PRR3: variants seen among roughly 807,000 people sequenced by gnomAD.
The protein encoded by PRR3 is proline-rich protein 3.
Under a neutral mutation model 22.4 loss-of-function variants are expected in PRR3, and 16 were observed. That is an observed-to-expected ratio of 0.71 (90% CI 0.48 to 1.09). The LOEUF (loss-of-function observed/expected upper bound fraction) is 1.09, where lower values mean the gene tolerates loss of function less well. Among genes scored for constraint, PRR3 ranks in the 50% least tolerant of loss-of-function variants. The probability of loss-of-function intolerance (pLI) is 0.00; values close to 1 mark genes in which losing one functional copy is unlikely to be tolerated. For missense variants in PRR3, 224 were observed against 243.4 expected (o/e 0.92, Z 0.53); for synonymous variants, 87 against 88.6 (o/e 0.98, Z 0.10).
rs757974897 is a variant in PRR3, at chr6:30,558,179, A to C, written c.136A>C (p.Met46Leu). 12 of 1,612,910 alleles carry C rather than the reference A, an allele frequency of 7.4e-6. No individual in the cohort carries two copies. Among genetic ancestry groups the C allele is most frequent in the Non-Finnish European group, 1.0e-5 (12 of 1,179,934 alleles). The change falls in exon 2 of 4, where the codon ATG (methionine) becomes CTG (leucine). Residue 46 changes from methionine to leucine, a missense_variant. Coordinates refer to ENST00000376560, the MANE Select transcript of PRR3 (RefSeq NM_025263.4). Reference protein sequence around the residue: ...GPPSLLGPPPMANGKPGDPKS... With the variant: ...GPPSLLGPPPLANGKPGDPKS... ...ACCCAGCCTTCTGGGCCCTCCCCCC[A>C]TGGCCAATGGAAAACCTGGCGACCC...
rs1800648912 is a variant in PRR3, at chr6:30,561,804, T to A, written c.170-30T>A. 1 of 1,494,530 alleles carries A rather than the reference T, an allele frequency of 6.7e-7. No individual in the cohort carries two copies. The highest frequency in any genetic ancestry group is 1.4e-5 in the African/African-American group (1 of 70,762). 92.6% of individuals were successfully genotyped at this position (1,494,530 alleles called of 1,614,324 possible). ...GGATTCAGCTGCCCATTAGACACCT[T>A]TCTGTGTCTCTCTCTCTCTCTCTCT... is the stretch of plus-strand genomic sequence containing the variant. On this transcript the variant is annotated intron_variant, in intron 2 of 3. Transcript: ENST00000376560. This position sits in a 1 kb window ranked among gnomAD's most constrained non-coding sequence, Gnocchi z 4.0.
Position 30,562,141 on chromosome 6 carries a change from T to TA in PRR3, c.460+18dup. 1 of 1,549,932 alleles carries TA rather than the reference T, an allele frequency of 6.5e-7. No individual in the cohort carries two copies. The highest frequency in any genetic ancestry group is 1.3e-5 in the South Asian group (1 of 79,246). On this transcript the variant is annotated intron_variant, in intron 3 of 3. Coordinates refer to ENST00000376560, the MANE Select transcript of PRR3 (RefSeq NM_025263.4). ...TTATGGAAGGTGAGGTCCATTTTGT[T>TA]ATGCCCATTACTCCCAGAGTGACCT...
chr6:30,561,967 G>C lies in PRR3; in HGVS notation c.303G>C (p.Trp101Cys). ...GGTCTAGCCCATATGGTCGTGGTTG[G>C]TGGGGAGTCAATGCAGAACCTCCTT... ...GPRSSPYGRGWWGVNAEPPFP... is the reference protein window; with the variant it reads ...GPRSSPYGRGCWGVNAEPPFP... The change falls in exon 3 of 4, where the codon TGG becomes TGC. Residue 101 changes from tryptophan to cysteine, a missense_variant. By Grantham distance (215) the Trp-to-Cys change is radical. Transcript: ENST00000376560. This position sits in a 1 kb window ranked among gnomAD's most constrained non-coding sequence, Gnocchi z 4.0. 1 of 1,613,040 alleles carries C rather than the reference G, an allele frequency of 6.2e-7. No homozygotes were observed.
upstream of PRR3, chr6:30,556,864 T>G (rs984168753): frequency 1.7e-6 from 1 of 587,222 alleles, no homozygotes; most frequent in Non-Finnish European, 3.0e-6. This position sits in a 1 kb window ranked among gnomAD's most constrained non-coding sequence, Gnocchi z 5.7. Flanking sequence ...AGATCATAAG[T>G]GCAAAAGCGG....
chr6:30,558,292 T>G, intron 2 of PRR3, 80 bp downstream of exon 2: 2 of 1,172,148 alleles, frequency 1.7e-6, no homozygotes, highest in Non-Finnish European at 2.5e-6. Context: ...AGGAAGGACT[T>G]AAAAATAAAA....
chr6:30,561,052 C>CAAAAA lies in PRR3; in HGVS notation c.170-779_170-778insAAAAA. On this transcript the variant is annotated intron_variant, in intron 2 of 3. Transcript: ENST00000376560. This position sits in a 1 kb window ranked among gnomAD's most constrained non-coding sequence, Gnocchi z 4.0. ...CTCTCATTAAATAAATAATAATAACCAAACAAAAAAATAACCACCACTTTT... is the reference window on the plus strand; with the variant it reads ...CTCTCATTAAATAAATAATAATAACCAAAAAAAACAAAAAAATAACCACCACTTTT... 1 of 230,902 alleles carries CAAAAA rather than the reference C, an allele frequency of 4.3e-6. No individual in the cohort carries two copies. The highest frequency in any genetic ancestry group is 1.5e-4 in the East Asian group (1 of 6,498). 14.3% of individuals were successfully genotyped at this position (230,902 alleles called of 1,614,324 possible).
In PRR3 at chr6:30,561,724, GTCTT is replaced by G. The variant is rs1366238000; in HGVS notation, c.170-108_170-105del. Reference sequence around the variant, plus strand: ...TGGGTTGTGCACTTAAAACTGGTGTGTCTTTATGTATGCTGTTCTTCAATAAAAA... The same window carrying G: ...TGGGTTGTGCACTTAAAACTGGTGTGTATGTATGCTGTTCTTCAATAAAAA... On this transcript the variant is annotated intron_variant, in intron 2 of 3. Transcript: ENST00000376560. This position sits in a 1 kb window ranked among gnomAD's most constrained non-coding sequence, Gnocchi z 4.0. 4 of 966,214 alleles carry G rather than the reference GTCTT, an allele frequency of 4.1e-6. No homozygotes were observed. Among genetic ancestry groups the G allele is most frequent in the Non-Finnish European group, 6.0e-6 (4 of 670,124 alleles). The allele number at this position is 966,214 out of a possible 1,614,324, so 59.9% of individuals were successfully genotyped here.
In PRR3 at chr6:30,562,440, G is replaced by A. The variant is rs953136511; in HGVS notation, c.512G>A (p.Arg171Gln). ...CRHFAKKGHC[R>Q]YEDLCAFYHP... is the part of the protein sequence containing the mutation. ...CATTTTGCCAAAAAGGGCCACTGTC[G>A]ATATGAGGACCTCTGTGCCTTCTAC... The change falls in exon 4 of 4, where the codon CGA becomes CAA. Residue 171 changes from arginine (R) to glutamine (Q), a missense_variant. Physicochemically the swap from Arg to Gln is conservative, Grantham distance 43. Coordinates refer to ENST00000376560, the MANE Select transcript of PRR3 (RefSeq NM_025263.4). 3 of 1,614,156 alleles carry A rather than the reference G, an allele frequency of 1.9e-6. No homozygotes were observed. The highest frequency in any genetic ancestry group is 1.1e-5 in the South Asian group (1 of 91,090).
At chr6:30,557,597 T>C (rs753997454) in intron 1 of PRR3, 147 bp downstream of exon 1, 1 of 624,914 alleles carries the variant, frequency 1.6e-6, no homozygotes, top group African/African-American at 1.8e-5. Context: ...CTCTCCCAAA[T>C]GGAGCCTTGA....
intron 1 of PRR3, 95 bp downstream of exon 1, chr6:30,557,545 AAGG>A (rs1405476180): frequency 1.2e-6 from 1 of 838,482 alleles, no homozygotes; most frequent in African/African-American, 1.7e-5. Flanking sequence ...GCTGTAACGG[AAGG>A]AGGAAGGGCG....
intron 2 of PRR3, chr6:30,560,938 GT>G (rs200076468): frequency 0.013 from 2,093 of 165,886 alleles, 26 homozygotes; most frequent in Admixed American, 0.023. Context: ...ATTCATGCCT[GT>G]AATCCCAGCA....
intron 2 of PRR3, chr6:30,558,544 G>T: frequency 3.1e-6 from 1 of 327,070 alleles, no homozygotes; most frequent in Non-Finnish European, 5.8e-6. Flanking sequence ...AGATTTGTAA[G>T]CTGGGCATGG....
rs574714943 is a variant in PRR3, at chr6:30,561,320, C to T, written c.170-514C>T. ...TAAAAATGTTTATAGTGGCATTTCT[C>T]GTTATAGCCCCAAACTGGATACCAC... is the stretch of plus-strand genomic sequence containing the variant. On this transcript the variant is annotated intron_variant, in intron 2 of 3. Transcript: ENST00000376560. This position sits in a 1 kb window ranked among gnomAD's most constrained non-coding sequence, Gnocchi z 4.0. 2.9e-5 allele frequency: 13 copies of T among 454,936 alleles called. No homozygotes were observed. Among genetic ancestry groups the T allele is most frequent in the Admixed American group, 1.7e-4 (7 of 41,638 alleles). 28.2% of individuals were successfully genotyped at this position (454,936 alleles called of 1,614,324 possible).
chr6:30,562,046 A>G lies in PRR3; in HGVS notation c.382A>G (p.Arg128Gly). ...PTRGSFHKEQ[R>G]NPRRLKSWSL... ...CAGGGGAAGCTTTCACAAGGAACAGAGAAACCCTCGAAGGCTCAAAAGCTG... is the reference window on the plus strand; with the variant it reads ...CAGGGGAAGCTTTCACAAGGAACAGGGAAACCCTCGAAGGCTCAAAAGCTG... The change falls in exon 3 of 4, where the codon AGA (arginine) becomes GGA (glycine). Residue 128 changes from arginine (R) to glycine (G), a missense_variant. Arg to Gly is a moderately radical substitution (Grantham distance 125, BLOSUM62 -2). Transcript: ENST00000376560. 1.2e-6 allele frequency: 2 copies of G among 1,612,954 alleles called. No homozygotes were observed. Among genetic ancestry groups the G allele is most frequent in the Non-Finnish European group, 1.7e-6 (2 of 1,179,968 alleles).
In PRR3 at chr6:30,561,142, C is replaced by T; in HGVS notation, c.170-692C>T. The T allele has an allele frequency of 3.5e-6, 1 of 289,044 alleles. No individual in the cohort carries two copies. The highest frequency in any genetic ancestry group is 2.9e-5 in the South Asian group (1 of 34,960). 17.9% of individuals were successfully genotyped at this position (289,044 alleles called of 1,614,324 possible). On this transcript the variant is annotated intron_variant, in intron 2 of 3. Transcript: ENST00000376560. The surrounding 1 kb of genome is among the most constrained non-coding windows in gnomAD (Gnocchi z 4.0). ...AAGTGTTGTCAAGGCTATAGGACAA[C>T]TGCTGGTGAGAGTGCAAATTGGTAT...
chr6:30,559,292 G>A (rs971289743), intron 2 of PRR3, among the ~76,000 whole-genome samples: 9 of 152,224 alleles, frequency 5.9e-5, no homozygotes, highest in South Asian at 2.1e-4. Context: ...CAGGAGAATC[G>A]CTTGAACCTG....
intron 2 of PRR3, chr6:30,558,578 TACTC>T (rs926794305): frequency 8.1e-6 from 2 of 246,464 alleles, no homozygotes; most frequent in African/African-American, 2.2e-5. Context: ...TAGTCCCAGT[TACTC>T]AGGAGGCTGA....
chr6:30,559,144 G>A (rs982763886), intron 2 of PRR3, among the ~76,000 whole-genome samples: 4 of 152,154 alleles, frequency 2.6e-5, no homozygotes, highest in African/African-American at 4.8e-5. Flanking sequence ...TTGGGAGGCC[G>A]AGGCGGGCGA....
intron 2 of PRR3, among the ~76,000 whole-genome samples, chr6:30,559,303 G>A (rs982408585): frequency 6.6e-6 from 1 of 152,168 alleles, no homozygotes; most frequent in African/African-American, 2.4e-5. Context: ...CTTGAACCTG[G>A]AAGGCGGAGG....
Sources: allele counts gnomAD v4.1 joint callset (sites outside exome capture counted in the v4.1 genomes callset), GRCh38; gene constraint gnomAD v4.1.1; non-coding constraint Gnocchi (gnomAD v3.1); transcripts MANE v1.5; gene names NCBI Gene and HGNC (gene_info 2026-07-23, HGNC 2026-07-21).